Variants in DNAH10 observed in about 807,000 individuals in gnomAD.
The protein encoded by DNAH10 is dynein axonemal heavy chain 10, also known as axonemal beta dynein heavy chain 10.
DNAH10 carries 348 observed loss-of-function variants against 506.6 expected under a neutral mutation model. The observed-to-expected ratio is 0.69, with a 90% confidence interval of 0.63 to 0.75. The LOEUF (loss-of-function observed/expected upper bound fraction) is 0.75. DNAH10 is among the 30% of genes least tolerant of loss of function. The pLI is 0.00. For missense variants in DNAH10, 5,179 were observed against 5,787.1 expected (o/e 0.89, Z 3.41); for synonymous variants, 2,059 against 2,198.6 (o/e 0.94, Z 1.78).
intron 29 of DNAH10, 31 bp from the exon 30 acceptor site, chr12:123,841,291 G>A (rs770546002): frequency 6.2e-7 from 1 of 1,607,972 alleles, no homozygotes; most frequent in South Asian, 1.1e-5. Flanking sequence ...CTCCGTGCAG[G>A]TCTTACAGGG....
chr12:123,838,534 G>A lies in DNAH10; in HGVS notation c.4981G>A (p.Val1661Ile), dbSNP rs60509888. 7,216 of 1,614,024 alleles carry A rather than the reference G, an allele frequency of 4.5e-3. 69 individuals carry two copies. The highest frequency in any genetic ancestry group is 0.037 in the African/African-American group (2,795 of 75,048). Residue 1661 changes from valine (V) to isoleucine (I), a missense_variant, in exon 29 of 79, where the codon GTC becomes ATC. Physicochemically the swap from Val to Ile is conservative, Grantham distance 29. Around this residue, in one of 3 missense-constraint regions of DNAH10, gnomAD observed 4,844 missense variants for 5,430.5 expected, o/e 0.89. Coordinates refer to ENST00000673944, the MANE Select transcript of DNAH10 (RefSeq NM_001372106.1). ...APNRLSDLQN[V>I]SEGLEKCQKS... ...AAACCGCCTCAGTGACCTACAGAACGTCAGCGAGGGCCTGGAGAAATGCCA... is the reference window on the plus strand; with the variant it reads ...AAACCGCCTCAGTGACCTACAGAACATCAGCGAGGGCCTGGAGAAATGCCA...
At chr12:123,866,319 C>G (rs1951808234) in intron 41 of DNAH10, among the ~76,000 whole-genome samples, 1 of 140,614 alleles carries the variant, frequency 7.1e-6, no homozygotes, top group East Asian at 2.2e-4. Flanking sequence ...TCTCGGCTCA[C>G]TGCAAGCTCC....
intron 24 of DNAH10, among the ~76,000 whole-genome samples, chr12:123,823,189 G>C (rs1959603344): frequency 6.6e-6 from 1 of 152,236 alleles, no homozygotes; most frequent in African/African-American, 2.4e-5. Flanking sequence ...TTTCCAGGCA[G>C]AGCGCTGGGC....
chr12:123,768,316 G>A (rs1361281185), intron 2 of DNAH10, among the ~76,000 whole-genome samples: 1 of 152,066 alleles, frequency 6.6e-6, no homozygotes, highest in Non-Finnish European at 1.5e-5. Flanking sequence ...TGTATTTTCA[G>A]TAGAGACGGG....
chr12:123,852,032 A>C (rs1951196150), intron 35 of DNAH10, among the ~76,000 whole-genome samples: 1 of 152,166 alleles, frequency 6.6e-6, no homozygotes, highest in Non-Finnish European at 1.5e-5. Flanking sequence ...CAGCCTCCCG[A>C]GTAGCTGGGA....
chr12:123,931,805 G>C lies in DNAH10; in HGVS notation c.13086G>C (p.Lys4362Asn). 6.2e-7 allele frequency: 1 copy of C among 1,614,070 alleles called. No homozygotes were observed. Among genetic ancestry groups the C allele is most frequent in the Non-Finnish European group, 8.5e-7 (1 of 1,179,904 alleles). ...VLLQELERFN[K>N]LVVRMTKSLA... ...TGCAGGAACTGGAACGCTTCAACAA[G>C]CTTGTGGTCCGGATGACGAAGTCTC... The change falls in exon 75 of 79, where the codon AAG becomes AAC. Residue 4362 changes from lysine (K) to asparagine (N), a missense_variant. Lys to Asn is a moderately conservative substitution (Grantham distance 94). Around this residue, in one of 3 missense-constraint regions of DNAH10, gnomAD observed 4,844 missense variants for 5,430.5 expected, o/e 0.89. Transcript: ENST00000673944.
Position 123,835,511 on chromosome 12 carries a change from G to A in DNAH10, c.4885G>A (p.Asp1629Asn), listed in dbSNP as rs763643168. 10 of 1,607,794 alleles carry A rather than the reference G, an allele frequency of 6.2e-6. No individual in the cohort carries two copies. Among genetic ancestry groups the A allele is most frequent in the African/African-American group, 1.3e-5 (1 of 74,850 alleles). ...AGAGGCAAAAAAGTTTGACAACATCGATAAAGTATTTAAAAGGGCAAGTGA... is the reference window on the plus strand; with the variant it reads ...AGAGGCAAAAAAGTTTGACAACATCAATAAAGTATTTAAAAGGGCAAGTGA... ...PEEAKKFDNI[D>N]KVFKRIMGET... The change falls in exon 28 of 79, where the codon GAT (aspartate) becomes AAT (asparagine). Residue 1629 changes from aspartate (D) to asparagine (N), a missense_variant. Physicochemically the swap from Asp to Asn is conservative, Grantham distance 23. Around this residue, in one of 3 missense-constraint regions of DNAH10, gnomAD observed 4,844 missense variants for 5,430.5 expected, o/e 0.89. Coordinates refer to ENST00000673944, the MANE Select transcript of DNAH10 (RefSeq NM_001372106.1).
chr12:123,859,191 CCA>C lies in DNAH10; in HGVS notation c.6676_6677del (p.Thr2226AspfsTer16). 1 of 1,612,022 alleles carries C rather than the reference CCA, an allele frequency of 6.2e-7. No individual in the cohort carries two copies. Among genetic ancestry groups the C allele is most frequent in the African/African-American group, 1.3e-5 (1 of 75,006 alleles). On this transcript the variant is annotated frameshift_variant, in exon 38 of 79. Transcript: ENST00000673944. LOFTEE classifies it high-confidence loss of function. ...VQMFETMLTR[H>X]TTMVVGPTRG... ...AAATGTTCGAGACCATGTTAACCCG[CCA>C]CACGACGATGGTGGTGGGGCCCACC...
chr12:123,924,481 A>G (rs771272627), intron 67 of DNAH10, 49 bp downstream of exon 67: 15 of 1,595,530 alleles, frequency 9.4e-6, no homozygotes, highest in East Asian at 4.5e-5. Flanking sequence ...CATGTCAACA[A>G]TCTCCAAACC....
chr12:123,788,863 C>CT (rs35092113), intron 10 of DNAH10, among the ~76,000 whole-genome samples: 110,222 of 149,882 alleles, frequency 0.74, 41,062 homozygotes, highest in East Asian at 1. Flanking sequence ...GAGGTTGAGG[C>CT]GCAGTGAGCC....
In DNAH10 at chr12:123,909,970, T is replaced by C. The variant is rs1223989373; in HGVS notation, c.9997+528T>C. 6.6e-6 allele frequency among the ~76,000 whole-genome samples: 1 copy of C among 152,252 alleles called. No individual in the cohort carries two copies. The highest frequency in any genetic ancestry group is 1.9e-4 in the East Asian group (1 of 5,196). Reference sequence around the variant, plus strand: ...CTCAGTTCCTGACCCTGCCCAGTGCTCAGCCAGGCGGTGATAGTGTAATGG... The same window carrying C: ...CTCAGTTCCTGACCCTGCCCAGTGCCCAGCCAGGCGGTGATAGTGTAATGG... On this transcript the variant is annotated intron_variant, in intron 58 of 78. Transcript: ENST00000673944. This position sits in a 1 kb window ranked among gnomAD's most constrained non-coding sequence, Gnocchi z 5.4.
chr12:123,762,583 C>A lies in DNAH10; in HGVS notation c.214+33C>A. The A allele has an allele frequency of 6.5e-7, 1 of 1,528,422 alleles. No homozygotes were observed. Among genetic ancestry groups the A allele is most frequent in the Non-Finnish European group, 8.8e-7 (1 of 1,138,100 alleles). The allele number at this position is 1,528,422 out of a possible 1,614,324, so 94.7% of individuals were successfully genotyped here. ...TCGACGCGCCGCTCCCTTCCCCGGG[C>A]TTCCCTCCTGCCCGTCCCGGCCTCT... On this transcript the variant is annotated intron_variant, in intron 1 of 78. Transcript: ENST00000673944. This position sits in a 1 kb window ranked among gnomAD's most constrained non-coding sequence, Gnocchi z 5.0.
intron 24 of DNAH10, 69 bp downstream of exon 24, chr12:123,820,827 C>T (rs1959320126): frequency 1.3e-6 from 2 of 1,533,918 alleles, no homozygotes; most frequent in East Asian, 2.3e-5. Flanking sequence ...TTAAGCCCTG[C>T]AGACTTTGAT....
At position 123,918,964 on chromosome 12, in the gene DNAH10, C is replaced by T; in HGVS notation, c.11506+15C>T. ...CGGCTGCACAGGTGAGCTCTCCCCACAGAGGAGGACATGTTAGTGTAGTTT... is the reference window on the plus strand; with the variant it reads ...CGGCTGCACAGGTGAGCTCTCCCCATAGAGGAGGACATGTTAGTGTAGTTT... On this transcript the variant is annotated intron_variant, in intron 65 of 78. Transcript: ENST00000673944. 1 of 1,592,138 alleles carries T rather than the reference C, an allele frequency of 6.3e-7. No homozygotes were observed.
intron 26 of DNAH10, among the ~76,000 whole-genome samples, chr12:123,831,192 T>A (rs1960507090): frequency 6.8e-6 from 1 of 146,914 alleles, no homozygotes; most frequent in Admixed American, 6.6e-5. Flanking sequence ...AAATTCATAA[T>A]CCCACTACCT....
At chr12:123,840,394 GTTTTTT>G (rs71088961) in intron 29 of DNAH10, among the ~76,000 whole-genome samples, 18 of 37,784 alleles carry the variant, frequency 4.8e-4, no homozygotes, top group East Asian at 1.2e-3. Context: ...TCTGTTTCCA[GTTTTTT>G]TTTTTTTTTT....
chr12:123,838,604 C>T lies in DNAH10; in HGVS notation c.5051C>T (p.Pro1684Leu). The T allele has an allele frequency of 6.2e-7, 1 of 1,613,992 alleles. No individual in the cohort carries two copies. Among genetic ancestry groups the T allele is most frequent in the Non-Finnish European group, 8.5e-7 (1 of 1,179,888 alleles). Residue 1684 changes from proline (P) to leucine (L), a missense_variant, in exon 29 of 79, where the codon CCA (proline) becomes CTA (leucine). By Grantham distance (98) the Pro-to-Leu change is moderately conservative. Coordinates refer to ENST00000673944, the MANE Select transcript of DNAH10 (RefSeq NM_001372106.1). ...TTAGATTCGAAGAGAAATGCTTTCC[C>T]AAGGTTCTTCTTCATTTCTGACGAT... ...DYLDSKRNAF[P>L]RFFFISDDEL...
At chr12:123,773,077 C>T in intron 4 of DNAH10, 135 bp downstream of exon 4, 1 of 602,804 alleles carries the variant, frequency 1.7e-6, no homozygotes, top group Non-Finnish European at 2.8e-6. Context: ...CCATACTGTA[C>T]TGGGTTCTTA....
intron 18 of DNAH10, among the ~76,000 whole-genome samples, chr12:123,806,767 T>C (rs1231674082): frequency 6.6e-6 from 1 of 150,736 alleles, no homozygotes; most frequent in Non-Finnish European, 1.5e-5. Context: ...TAATATGCTA[T>C]GTTTTTTTTT....
Sources: gnomAD v4.1 joint callset for allele counts (sites outside exome capture counted in the v4.1 genomes callset) on GRCh38, gnomAD v4.1.1 for gene constraint, gnomAD v4.1.1 regional missense constraint, Gnocchi (gnomAD v3.1) non-coding constraint, MANE v1.5 for transcripts, NCBI Gene and HGNC (gene_info 2026-07-23, HGNC 2026-07-21) for gene names.